Variants in RALGAPA2 observed in about 807,000 individuals in gnomAD.
The protein encoded by RALGAPA2 is Ral GTPase activating protein catalytic subunit alpha 2, also known as ral GTPase-activating protein subunit alpha-2.
Under a neutral mutation model 230.4 loss-of-function variants are expected in RALGAPA2, and 139 were observed. The ratio of observed to expected loss-of-function variants is 0.60; its 90% CI spans 0.53 to 0.69. The LOEUF is 0.69. Ranked by LOEUF, RALGAPA2 falls within the 30% of genes least tolerant of loss-of-function variation. RALGAPA2 has a pLI of 0.00. For missense variants in RALGAPA2, 2,163 were observed against 2,276.0 expected (o/e 0.95, Z 1.01); for synonymous variants, 847 against 837.8 (o/e 1.01, Z -0.19).
intron 16 of RALGAPA2, among the ~76,000 whole-genome samples, chr20:20,594,783 C>T (rs1389625285): frequency 6.8e-6 from 1 of 147,634 alleles, no homozygotes; most frequent in Non-Finnish European, 1.5e-5. Flanking sequence ...GGCTGGAGCA[C>T]AATGGCGTGA....
intron 20 of RALGAPA2, 49 bp downstream of exon 20, chr20:20,583,001 G>C: frequency 6.4e-7 from 1 of 1,567,954 alleles, no homozygotes; most frequent in Non-Finnish European, 8.7e-7. Context: ...ATTCACAACT[G>C]ATCTCCCAGC....
intron 3 of RALGAPA2, among the ~76,000 whole-genome samples, chr20:20,659,228 C>G (rs1180629349): frequency 6.6e-6 from 1 of 152,176 alleles, no homozygotes; most frequent in Non-Finnish European, 1.5e-5. Context: ...CAGAGGGACC[C>G]ACGTGCATAG....
chr20:20,489,374 T>C (rs936904183), intron 36 of RALGAPA2, among the ~76,000 whole-genome samples: 2 of 152,164 alleles, frequency 1.3e-5, no homozygotes, highest in Admixed American at 1.3e-4. Context: ...ATCATTCGTG[T>C]TGCCAGGTTC....
chr20:20,619,708 T>C (rs2066263415), intron 11 of RALGAPA2, among the ~76,000 whole-genome samples: 2 of 152,330 alleles, frequency 1.3e-5, no homozygotes, highest in African/African-American at 4.8e-5. Context: ...GAATGATAAT[T>C]TGCTTACCTA....
At position 20,605,412 on chromosome 20, in the gene RALGAPA2, TCTAAAACCAACCA is replaced by T. The variant is rs2065790418; in HGVS notation, c.1801-13_1801-1del. The T allele has an allele frequency of 2.5e-6, 4 of 1,604,814 alleles. No individual in the cohort carries two copies. The highest frequency in any genetic ancestry group is 3.4e-6 in the Non-Finnish European group (4 of 1,172,208). On this transcript the variant is annotated splice_acceptor_variant and splice_polypyrimidine_tract_variant and intron_variant, in intron 14 of 39. Coordinates refer to ENST00000202677, the MANE Select transcript of RALGAPA2 (RefSeq NM_020343.4). LOFTEE classifies it high-confidence loss of function. ...GCTCGGATCCAAGCTACCATGAGCG[TCTAAAACCAACCA>T]ACCAACAAGAGAATTCACACATCTT...
intron 38 of RALGAPA2, among the ~76,000 whole-genome samples, chr20:20,407,790 C>A (rs1198515961): frequency 6.6e-6 from 1 of 152,126 alleles, no homozygotes; most frequent in Non-Finnish European, 1.5e-5. Context: ...ACCCTTTCCA[C>A]GAGGGCATCC....
chr20:20,599,236 T>G (rs988210920), intron 16 of RALGAPA2, among the ~76,000 whole-genome samples: 5 of 152,332 alleles, frequency 3.3e-5, no homozygotes, highest in African/African-American at 7.2e-5. Context: ...GAGAGCTGAC[T>G]GTATTCAAAA....
intron 31 of RALGAPA2, among the ~76,000 whole-genome samples, chr20:20,516,509 A>G (rs1171957392): frequency 6.6e-6 from 1 of 152,214 alleles, no homozygotes; most frequent in Admixed American, 6.5e-5. Flanking sequence ...ACCACTGCCT[A>G]TAATACTCTA....
chr20:20,659,223 G>A (rs2067689626), intron 3 of RALGAPA2, among the ~76,000 whole-genome samples: 1 of 152,148 alleles, frequency 6.6e-6, no homozygotes, highest in South Asian at 2.1e-4. Context: ...GATTTCAGAG[G>A]GACCCACGTG....
intron 16 of RALGAPA2, among the ~76,000 whole-genome samples, chr20:20,592,311 G>A (rs1169360434): frequency 1.3e-5 from 2 of 152,202 alleles, no homozygotes; most frequent in South Asian, 2.1e-4. Context: ...TTGATCTCAC[G>A]GGACATACTG....
intron 16 of RALGAPA2, among the ~76,000 whole-genome samples, chr20:20,599,278 A>G (rs1245498277): frequency 1.3e-5 from 2 of 152,216 alleles, no homozygotes; most frequent in Non-Finnish European, 2.9e-5. Flanking sequence ...ATATCCAAAA[A>G]GCTCAAGAAC....
At chr20:20,466,737 T>C (rs1295333461) in intron 37 of RALGAPA2, among the ~76,000 whole-genome samples, 1 of 152,056 alleles carries the variant, frequency 6.6e-6, no homozygotes, top group Non-Finnish European at 1.5e-5. Flanking sequence ...CACTCTCATC[T>C]CTCATCTCCA....
At chr20:20,417,450 C>T (rs1229233922) in intron 37 of RALGAPA2, among the ~76,000 whole-genome samples, 1 of 152,170 alleles carries the variant, frequency 6.6e-6, no homozygotes, top group Non-Finnish European at 1.5e-5. Context: ...TCTTTGCTTC[C>T]ATGGCTACAT....
intron 3 of RALGAPA2, among the ~76,000 whole-genome samples, chr20:20,670,748 G>C (rs1407694388): frequency 6.6e-6 from 1 of 151,608 alleles, no homozygotes; most frequent in Non-Finnish European, 1.5e-5. Context: ...AGGAGTTCAA[G>C]ACCAGCCTGG....
chr20:20,657,473 A>G (rs957797816), intron 3 of RALGAPA2, among the ~76,000 whole-genome samples: 1 of 152,250 alleles, frequency 6.6e-6, no homozygotes, highest in African/African-American at 2.4e-5. Flanking sequence ...GTGTGCCACA[A>G]TAATCTTCAA....
At chr20:20,709,318 CAA>C (rs111600711) in intron 1 of RALGAPA2, among the ~76,000 whole-genome samples, 4 of 140,272 alleles carry the variant, frequency 2.9e-5, no homozygotes, top group Non-Finnish European at 1.6e-5. Context: ...GACTCCATCT[CAA>C]AAAAAAAAAA....
chr20:20,652,027 C>CTTTGTGTAT (rs1430565432), intron 4 of RALGAPA2, among the ~76,000 whole-genome samples: 1 of 152,116 alleles, frequency 6.6e-6, no homozygotes, highest in Non-Finnish European at 1.5e-5. Context: ...GGAAAACTTT[C>CTTTGTGTAT]TTTGTGTATT....
chr20:20,461,327 C>T (rs2061297403), intron 37 of RALGAPA2, among the ~76,000 whole-genome samples: 2 of 152,196 alleles, frequency 1.3e-5, no homozygotes, highest in South Asian at 4.1e-4. Context: ...AACTAACTTA[C>T]ATTTTTACTG....
chr20:20,480,589 G>A (rs921503326), intron 36 of RALGAPA2, among the ~76,000 whole-genome samples: 1 of 152,144 alleles, frequency 6.6e-6, no homozygotes, highest in Non-Finnish European at 1.5e-5. Flanking sequence ...TGATGGTCAG[G>A]TATTTTAGGC....
Sources: allele counts gnomAD v4.1 joint callset (sites outside exome capture counted in the v4.1 genomes callset), GRCh38; gene constraint gnomAD v4.1.1; transcripts MANE v1.5; gene names NCBI Gene and HGNC (gene_info 2026-07-23, HGNC 2026-07-21).